Variants in METAP1 observed in about 807,000 individuals in gnomAD.
METAP1 encodes methionyl aminopeptidase 1, also known as methionine aminopeptidase 1.
In METAP1, 28 loss-of-function variants were observed where a neutral mutation model predicts 53.8. That is an observed-to-expected ratio of 0.52 (90% confidence interval 0.39 to 0.71). The LOEUF (loss-of-function observed/expected upper bound fraction) is 0.71, where lower values mean the gene tolerates loss of function less well. Among genes scored for constraint, METAP1 ranks in the 30% least tolerant of loss-of-function variants. The pLI is 0.00. For synonymous variants in METAP1, 181 were observed against 165.7 expected (o/e 1.09, Z -0.71); for missense variants, 389 against 479.8 (o/e 0.81, Z 1.77).
intron 1 of METAP1, among the ~76,000 whole-genome samples, chr4:99,007,687 T>G (rs950332350): frequency 1.3e-5 from 2 of 152,196 alleles, no homozygotes; most frequent in Admixed American, 1.3e-4. Flanking sequence ...TTGCAAATGT[T>G]TGTTGTTTTC....
In METAP1 at chr4:99,049,024, C is replaced by G. The variant is rs1232044054; in HGVS notation, c.931+148C>G. On this transcript the variant is annotated intron_variant, in intron 9 of 10. Transcript: ENST00000296411. Reference sequence around the variant, plus strand: ...TTCCCAAAATGTGTATTTGCTGAAACACAGTGCAAGTTCGTATCTTACTCA... The same window carrying G: ...TTCCCAAAATGTGTATTTGCTGAAAGACAGTGCAAGTTCGTATCTTACTCA... 9.5e-6 allele frequency: 10 copies of G among 1,048,310 alleles called. No individual in the cohort carries two copies. In the East Asian group the frequency reaches 2.4e-4, roughly 25 times the overall value. The allele number at this position is 1,048,310 out of a possible 1,614,324, so 64.9% of individuals were successfully genotyped here. A position where few individuals can be genotyped will look rare whatever the true frequency, so the allele number is the denominator to read the frequency against.
intron 1 of METAP1, among the ~76,000 whole-genome samples, chr4:99,002,028 A>G (rs114056415): frequency 0.022 from 3,426 of 152,348 alleles, 51 homozygotes; most frequent in Middle Eastern, 0.048. Context: ...TTGAAGTGCT[A>G]TAGGAAATGT....
chr4:99,020,005 T>C (rs1464552670), intron 1 of METAP1, among the ~76,000 whole-genome samples: 2 of 152,136 alleles, frequency 1.3e-5, no homozygotes, highest in African/African-American at 4.8e-5. Context: ...AGATCCCTCA[T>C]ATTCTTCTGG....
At chr4:99,040,774 C>CAGTTGAT (rs1170754316) in intron 5 of METAP1, among the ~76,000 whole-genome samples, 1 of 150,998 alleles carries the variant, frequency 6.6e-6, no homozygotes, top group Non-Finnish European at 1.5e-5. Context: ...CTACCTCTAT[C>CAGTTGAT]AGTTGATGAT....
Position 99,003,956 on chromosome 4 carries a change from G to A in METAP1, c.114+8089G>A, listed in dbSNP as rs114728084. On this transcript the variant is annotated intron_variant, in intron 1 of 10. Coordinates refer to ENST00000296411, the MANE Select transcript of METAP1 (RefSeq NM_015143.3). ...TGTTCAGACACCAGTCACGAGTTTGGGCCTCCGGAACTTAAAACTTGACTG... is the reference window on the plus strand; with the variant it reads ...TGTTCAGACACCAGTCACGAGTTTGAGCCTCCGGAACTTAAAACTTGACTG... Among the ~76,000 whole-genome samples the A allele has an allele frequency of 2.6e-3, 400 of 152,252 alleles. 4 individuals are homozygous for A. Among genetic ancestry groups the A allele is most frequent in the African/African-American group, 9.1e-3 (380 of 41,560 alleles).
chr4:99,060,213 A>C (rs888852605), intron 10 of METAP1, among the ~76,000 whole-genome samples: 4 of 152,116 alleles, frequency 2.6e-5, no homozygotes, highest in African/African-American at 9.7e-5. Context: ...AAGTCTTTTC[A>C]TCTTGTAAAA....
intron 1 of METAP1, among the ~76,000 whole-genome samples, chr4:99,018,586 C>T (rs893427288): frequency 1.3e-5 from 2 of 152,156 alleles, no homozygotes; most frequent in Non-Finnish European, 2.9e-5. Flanking sequence ...AGAAAGCATC[C>T]TTTAAGTCTA....
chr4:99,047,422 T>G (rs867011835), intron 8 of METAP1, among the ~76,000 whole-genome samples: 19 of 152,180 alleles, frequency 1.2e-4, no homozygotes, highest in Non-Finnish European at 4.4e-5. Context: ...ACTCTTTCTA[T>G]GCAACATGGA....
At chr4:99,016,005 C>T (rs938644401) in intron 1 of METAP1, among the ~76,000 whole-genome samples, 7 of 152,036 alleles carry the variant, frequency 4.6e-5, no homozygotes, top group Admixed American at 1.3e-4. Flanking sequence ...ACTGCGGTTT[C>T]GATGGTCAAT....
chr4:99,013,900 G>A lies in METAP1; in HGVS notation c.115-14967G>A, dbSNP rs988962738. ...CTGTATGGATTTAAGAAACTTTGAG[G>A]AACTTCTCCATTCCTTTCAATTCCC... On this transcript the variant is annotated intron_variant, in intron 1 of 10. Coordinates refer to ENST00000296411, the MANE Select transcript of METAP1 (RefSeq NM_015143.3). Among the ~76,000 whole-genome samples the A allele has an allele frequency of 2.0e-5, 3 of 152,144 alleles. 1 individual carries two copies. The highest frequency in any genetic ancestry group is 2.0e-4 in the Admixed American group (3 of 15,276).
intron 1 of METAP1, among the ~76,000 whole-genome samples, chr4:99,019,335 G>A (rs923627758): frequency 1.4e-4 from 21 of 152,156 alleles, no homozygotes; most frequent in Admixed American, 1.2e-3. Flanking sequence ...AAAAGAAAGA[G>A]CCCCTGACTC....
intron 1 of METAP1, among the ~76,000 whole-genome samples, chr4:99,009,452 A>T (rs141790228): frequency 6.6e-6 from 1 of 152,198 alleles, no homozygotes; most frequent in Non-Finnish European, 1.5e-5. Context: ...TCTGTTTTCT[A>T]TAGTAGTTGG....
intron 1 of METAP1, among the ~76,000 whole-genome samples, chr4:99,010,055 A>G (rs1723393132): frequency 6.6e-6 from 1 of 152,098 alleles, no homozygotes; most frequent in African/African-American, 2.4e-5. Context: ...TAATTTTTAT[A>G]TATGGTTAAG....
chr4:99,047,570 A>AT (rs1726360567), intron 8 of METAP1, among the ~76,000 whole-genome samples: 1 of 152,212 alleles, frequency 6.6e-6, no homozygotes, highest in African/African-American at 2.4e-5. Flanking sequence ...AAGCTGCAAA[A>AT]TACAGTTAAG....
intron 1 of METAP1, among the ~76,000 whole-genome samples, chr4:99,001,954 C>T (rs562463578): frequency 4.7e-5 from 7 of 149,468 alleles, no homozygotes; most frequent in Non-Finnish European, 7.4e-5. Context: ...AACAAAAAAA[C>T]GAGCATCATT....
At chr4:99,054,131 C>A (rs370833484) in intron 9 of METAP1, among the ~76,000 whole-genome samples, 1 of 152,096 alleles carries the variant, frequency 6.6e-6, no homozygotes, top group Non-Finnish European at 1.5e-5. Context: ...GTTGACTTCT[C>A]CTCTCTAGTG....
At chr4:99,022,098 C>A (rs1724150825) in intron 1 of METAP1, among the ~76,000 whole-genome samples, 1 of 152,200 alleles carries the variant, frequency 6.6e-6, no homozygotes, top group Non-Finnish European at 1.5e-5. Context: ...TAGTCATAAT[C>A]ATGCTAGTAT....
chr4:99,025,442 C>A (rs1354033884), intron 1 of METAP1: 10 of 985,146 alleles, frequency 1.0e-5, no homozygotes, highest in Non-Finnish European at 1.2e-5. Context: ...ATTCACAGTA[C>A]TGGAAATAAA....
Position 99,058,345 on chromosome 4 carries a change from GCTGTT to G in METAP1, c.997+531_997+535del, listed in dbSNP as rs567279847. 2.5e-3 allele frequency among the ~76,000 whole-genome samples: 375 copies of G among 152,208 alleles called. 3 individuals are homozygous for G. Among genetic ancestry groups the G allele is most frequent in the Admixed American group, 6.9e-3 (106 of 15,280 alleles). ...AGAATTTGTCAGACTCAGCTCATGAGCTGTTCTGACCCTTCATGGTCTGTACTCAT... is the reference window on the plus strand; with the variant it reads ...AGAATTTGTCAGACTCAGCTCATGAGCTGACCCTTCATGGTCTGTACTCAT... On this transcript the variant is annotated intron_variant, in intron 10 of 10. Coordinates refer to ENST00000296411, the MANE Select transcript of METAP1 (RefSeq NM_015143.3).
Sources: allele counts gnomAD v4.1 joint callset (sites outside exome capture counted in the v4.1 genomes callset), GRCh38; gene constraint gnomAD v4.1.1; transcripts MANE v1.5; gene names NCBI Gene and HGNC (gene_info 2026-07-23, HGNC 2026-07-21).